LASP1: variants seen among roughly 807,000 people sequenced by gnomAD.
The protein encoded by LASP1 is LIM and SH3 domain protein 1.
LASP1 carries 10 observed loss-of-function variants against 38.6 expected under a neutral mutation model. The observed-to-expected ratio is 0.26, with a 90% confidence interval of 0.16 to 0.44. The LOEUF is 0.44. LASP1 is among the 20% of genes least tolerant of loss of function. LASP1 has a pLI of 1.00. For missense variants in LASP1, 243 were observed against 375.7 expected (o/e 0.65, Z 2.92); for synonymous variants, 132 against 140.8 (o/e 0.94, Z 0.44).
Position 38,870,271 on chromosome 17 carries a change from C to G in LASP1, c.69+13C>G. ...CTGTCTGGATAAGGTGAGCCCGGGA[C>G]CGGGAGACGCGTCTTTGCAATCCCC... On this transcript the variant is annotated intron_variant, in intron 1 of 6. Transcript: ENST00000318008. 6.2e-7 allele frequency: 1 copy of G among 1,613,240 alleles called. No individual in the cohort carries two copies. The highest frequency in any genetic ancestry group is 2.2e-5 in the East Asian group (1 of 44,772).
intron 2 of LASP1, among the ~76,000 whole-genome samples, chr17:38,883,407 A>G (rs1042285884): frequency 4.6e-5 from 7 of 152,134 alleles, no homozygotes; most frequent in Admixed American, 4.6e-4. Context: ...AAATAAAAAT[A>G]GGTGGAGCAG....
Position 38,919,558 on chromosome 17 carries a change from C to G in LASP1, c.*780C>G. The G allele has an allele frequency of 4.0e-6, 1 of 247,532 alleles. No individual in the cohort carries two copies. The highest frequency in any genetic ancestry group is 8.0e-6 in the Non-Finnish European group (1 of 125,414). The allele number at this position is 247,532 out of a possible 1,614,324, so 15.3% of individuals were successfully genotyped here. ...GAGTTCTCTTCCGCAGCCCCTTTCCCCACGCCCACCCCCAGTCTCCAGGGA... is the reference window on the plus strand; with the variant it reads ...GAGTTCTCTTCCGCAGCCCCTTTCCGCACGCCCACCCCCAGTCTCCAGGGA... On this transcript the variant is annotated 3_prime_UTR_variant, in exon 7 of 7. Coordinates refer to ENST00000318008, the MANE Select transcript of LASP1 (RefSeq NM_006148.4).
chr17:38,886,361 T>TA, intron 2 of LASP1, among the ~76,000 whole-genome samples: 1 of 152,194 alleles, frequency 6.6e-6, no homozygotes, highest in East Asian at 1.9e-4. Context: ...TAGCCCAAGC[T>TA]GTCTGCCTGC....
chr17:38,911,096 G>T (rs1429336156), intron 4 of LASP1, among the ~76,000 whole-genome samples: 6 of 152,176 alleles, frequency 3.9e-5, no homozygotes, highest in Non-Finnish European at 7.3e-5. Flanking sequence ...CCAGTCCTGA[G>T]GCCTGGGGTG....
chr17:38,879,577 T>C (rs527990729), intron 2 of LASP1, among the ~76,000 whole-genome samples: 3 of 151,762 alleles, frequency 2.0e-5, no homozygotes, highest in African/African-American at 7.3e-5. Flanking sequence ...TTTTTTTTTT[T>C]TCTCTTAATT....
intron 4 of LASP1, among the ~76,000 whole-genome samples, chr17:38,910,117 A>G (rs1229984916): frequency 6.6e-6 from 1 of 152,256 alleles, no homozygotes; most frequent in Non-Finnish European, 1.5e-5. Flanking sequence ...GTCAAGTGAT[A>G]ACTTCCATGT....
At chr17:38,913,890 C>T (rs1325736047) in intron 4 of LASP1, among the ~76,000 whole-genome samples, 2 of 151,902 alleles carry the variant, frequency 1.3e-5, no homozygotes, top group African/African-American at 2.4e-5. Flanking sequence ...TAATCCCAGC[C>T]GCCCAGGAGG....
chr17:38,897,074 A>G (rs1693326490), intron 3 of LASP1: 1 of 985,576 alleles, frequency 1.0e-6, no homozygotes, highest in Non-Finnish European at 1.2e-6. Flanking sequence ...GGTGCTAGGC[A>G]GGTTCTGGAC....
intron 3 of LASP1, among the ~76,000 whole-genome samples, chr17:38,892,884 G>T (rs550738511): frequency 6.6e-6 from 1 of 152,136 alleles, no homozygotes; most frequent in South Asian, 2.1e-4. Context: ...TTCCCGGGGG[G>T]GCCTCTTGGG....
At position 38,921,070 on chromosome 17, in the gene LASP1, T is replaced by G. The variant is rs1915285432; in HGVS notation, c.*2292T>G. On this transcript the variant is annotated 3_prime_UTR_variant, in exon 7 of 7. Coordinates refer to ENST00000318008, the MANE Select transcript of LASP1 (RefSeq NM_006148.4). The stretch of plus-strand genomic sequence containing the variant: ...TGTCCTAAAAATAGGGGCCGTTTTC[T>G]TACACACCCCCAGAGAGAGGAGGGA... The G allele has an allele frequency of 1.7e-5, 4 of 230,244 alleles. No individual in the cohort carries two copies. Among genetic ancestry groups the G allele is most frequent in the Non-Finnish European group, 3.4e-5 (4 of 116,182 alleles). The allele number at this position is 230,244 out of a possible 1,614,324, so 14.3% of individuals were successfully genotyped here.
chr17:38,877,688 T>A (rs1913819736), intron 1 of LASP1, among the ~76,000 whole-genome samples: 1 of 152,122 alleles, frequency 6.6e-6, no homozygotes, highest in African/African-American at 2.4e-5. Context: ...CTCCTTCATG[T>A]TCAGCGGCTG....
chr17:38,887,418 A>G (rs226236), intron 2 of LASP1, among the ~76,000 whole-genome samples: 105,320 of 152,102 alleles, frequency 0.69, 37,131 homozygotes, highest in African/African-American at 0.84. Flanking sequence ...GTGGTTGATC[A>G]TCCCTTGGCC....
At chr17:38,886,586 T>G (rs1262039782) in intron 2 of LASP1, among the ~76,000 whole-genome samples, 1 of 152,148 alleles carries the variant, frequency 6.6e-6, no homozygotes, top group Non-Finnish European at 1.5e-5. Flanking sequence ...GGAAGGGTGC[T>G]TCTGAAGAGG....
At chr17:38,873,939 C>T (rs998552778) in intron 1 of LASP1, 1 of 152,416 alleles carries the variant, frequency 6.6e-6, no homozygotes, top group Non-Finnish European at 1.5e-5. Context: ...TCCCCCCCAA[C>T]CCAGAGCCAC....
chr17:38,874,063 C>T (rs1913686936), intron 1 of LASP1: 1 of 152,332 alleles, frequency 6.6e-6, no homozygotes, highest in African/African-American at 2.4e-5. Flanking sequence ...CAAGATGACC[C>T]TGCCTTGGAG....
At chr17:38,891,539 G>A (rs1914324857) in intron 3 of LASP1, among the ~76,000 whole-genome samples, 1 of 152,148 alleles carries the variant, frequency 6.6e-6, no homozygotes, top group South Asian at 2.1e-4. Flanking sequence ...GCGACTTTGA[G>A]GGACTAGCTG....
chr17:38,870,397 G>A, intron 1 of LASP1, 139 bp downstream of exon 1: 3 of 940,796 alleles, frequency 3.2e-6, no homozygotes, highest in Non-Finnish European at 4.8e-6. Context: ...GCGGTGTCAT[G>A]GGGTGTGGGG....
chr17:38,894,154 C>T (rs1482482419), intron 3 of LASP1, among the ~76,000 whole-genome samples: 1 of 151,992 alleles, frequency 6.6e-6, no homozygotes, highest in Non-Finnish European at 1.5e-5. Context: ...CCCCCAGCCC[C>T]CCTTCTCACT....
intron 2 of LASP1, among the ~76,000 whole-genome samples, chr17:38,888,783 C>T (rs1202948914): frequency 6.6e-6 from 1 of 152,232 alleles, no homozygotes; most frequent in East Asian, 1.9e-4. Flanking sequence ...CCGTTTCCTC[C>T]TCTGAAATGA....
Sources: allele counts gnomAD v4.1 joint callset (sites outside exome capture counted in the v4.1 genomes callset), GRCh38; gene constraint gnomAD v4.1.1; transcripts MANE v1.5; gene names NCBI Gene and HGNC (gene_info 2026-07-23, HGNC 2026-07-21).